The following PCDHA12 variants were observed in gnomAD, a reference collection of about 807,000 sequenced individuals.
PCDHA12 encodes protocadherin alpha-12.
PCDHA12 carries 44 observed loss-of-function variants against 60.0 expected under a neutral mutation model. The observed-to-expected ratio is 0.73, with a 90% CI of 0.58 to 0.94. PCDHA12 has a LOEUF of 0.94. Among genes scored for constraint, PCDHA12 ranks in the 40% least tolerant of loss-of-function variants. PCDHA12 has a pLI of 0.00. For missense variants in PCDHA12, 1,276 were observed against 1,239.7 expected, an observed-to-expected ratio of 1.03 and a Z score of -0.44; for synonymous variants, 569 against 553.0, an observed-to-expected ratio of 1.03 and a Z score of -0.40.
chr5:140,967,974 G>A (rs782644202), intron 1 of PCDHA12: 3 of 1,614,204 alleles, frequency 1.9e-6, no homozygotes, highest in South Asian at 1.1e-5. Flanking sequence ...GTGAGCCTGG[G>A]TCTGGAGGCC....
chr5:140,881,886 C>G (rs2058857922), intron 1 of PCDHA12, among the ~76,000 whole-genome samples: 1 of 152,170 alleles, frequency 6.6e-6, no homozygotes, highest in African/African-American at 2.4e-5. Flanking sequence ...AACTCATCAA[C>G]CAATTGTCAG....
chr5:140,972,201 G>A (rs1554233905), intron 1 of PCDHA12, among the ~76,000 whole-genome samples: 1 of 152,058 alleles, frequency 6.6e-6, no homozygotes, highest in African/African-American at 2.4e-5. Flanking sequence ...GAGTATAGGT[G>A]TGAATATGGC....
chr5:140,885,870 A>T (rs1302417773), intron 1 of PCDHA12, among the ~76,000 whole-genome samples: 1 of 152,162 alleles, frequency 6.6e-6, no homozygotes, highest in African/African-American at 2.4e-5. Context: ...TATTGAAAAA[A>T]AATTTTTAGT....
At chr5:140,878,837 A>G (rs6885420) in intron 1 of PCDHA12, among the ~76,000 whole-genome samples, 4 of 152,334 alleles carry the variant, frequency 2.6e-5, no homozygotes, top group Admixed American at 2.6e-4. Context: ...AGGCTGGACT[A>G]GAACTTCTGG....
intron 1 of PCDHA12, among the ~76,000 whole-genome samples, chr5:140,976,253 T>G (rs1554237440): frequency 6.6e-6 from 1 of 152,124 alleles, no homozygotes; most frequent in Non-Finnish European, 1.5e-5. Context: ...TAAATTTATT[T>G]AAAACACAGA....
At chr5:140,882,301 G>T in intron 1 of PCDHA12, 1 of 1,613,800 alleles carries the variant, frequency 6.2e-7, no homozygotes, top group Non-Finnish European at 8.5e-7. Context: ...GCCCAAGACC[G>T]CGGCAACTAC....
chr5:140,993,828 A>G (rs1170306716), intron 3 of PCDHA12, among the ~76,000 whole-genome samples: 1 of 152,226 alleles, frequency 6.6e-6, no homozygotes, highest in East Asian at 1.9e-4. Context: ...AGGCTATACC[A>G]TATAGCCTAG....
At chr5:140,948,227 A>G (rs1214697523) in intron 1 of PCDHA12, among the ~76,000 whole-genome samples, 17 of 151,634 alleles carry the variant, frequency 1.1e-4, no homozygotes, top group African/African-American at 4.1e-4. Flanking sequence ...GTTAGATTTA[A>G]CTTGTATTTT....
At chr5:140,884,120 G>A in intron 1 of PCDHA12, 1 of 1,613,322 alleles carries the variant, frequency 6.2e-7, no homozygotes, top group Non-Finnish European at 8.5e-7. Flanking sequence ...GGCGGTCGGC[G>A]CGCGCATCCC....
chr5:140,967,185 A>G, intron 1 of PCDHA12: 1 of 1,613,242 alleles, frequency 6.2e-7, no homozygotes, highest in Non-Finnish European at 8.5e-7. Context: ...GAAATATTGG[A>G]CATCAACGAC....
At chr5:140,902,729 C>T (rs1554190627) in intron 1 of PCDHA12, among the ~76,000 whole-genome samples, 1 of 152,068 alleles carries the variant, frequency 6.6e-6, no homozygotes, top group East Asian at 1.9e-4. Flanking sequence ...CCCTTCCCTC[C>T]AAGTCCCCCA....
At chr5:140,913,160 G>T (rs1437493261) in intron 1 of PCDHA12, among the ~76,000 whole-genome samples, 4 of 152,156 alleles carry the variant, frequency 2.6e-5, no homozygotes, top group African/African-American at 9.7e-5. Flanking sequence ...AGTAGGATTG[G>T]TATTAGTTCT....
intron 1 of PCDHA12, among the ~76,000 whole-genome samples, chr5:140,908,393 A>G (rs1295544122): frequency 2.0e-5 from 3 of 152,132 alleles, no homozygotes; most frequent in Non-Finnish European, 4.4e-5. Context: ...CCGATCACAT[A>G]TATACCACTT....
chr5:140,930,769 T>G (rs1373924244), intron 1 of PCDHA12, among the ~76,000 whole-genome samples: 2 of 152,214 alleles, frequency 1.3e-5, no homozygotes, highest in Non-Finnish European at 2.9e-5. Context: ...TTTTCTGTAC[T>G]TAATATTTTC....
At chr5:140,948,543 T>C (rs1226242016) in intron 1 of PCDHA12, among the ~76,000 whole-genome samples, 2 of 151,702 alleles carry the variant, frequency 1.3e-5, no homozygotes, top group Non-Finnish European at 3.0e-5. Flanking sequence ...TTTCATGCTC[T>C]GTCAATTTTG....
intron 1 of PCDHA12, among the ~76,000 whole-genome samples, chr5:140,919,231 CT>C (rs2079047316): frequency 6.6e-6 from 1 of 152,160 alleles, no homozygotes; most frequent in African/African-American, 2.4e-5. Context: ...TCTAGTAACA[CT>C]TTTTGTCTTG....
At chr5:140,883,342 C>T in intron 1 of PCDHA12, 1 of 1,614,154 alleles carries the variant, frequency 6.2e-7, no homozygotes, top group Non-Finnish European at 8.5e-7. Flanking sequence ...TGTCACTCCC[C>T]ATCAGAGAAG....
Position 140,993,289 on chromosome 5 carries a change from C to T in PCDHA12, c.2515+10726C>T, listed in dbSNP as rs148346866. Among the ~76,000 whole-genome samples the T allele has an allele frequency of 3.6e-3, 552 of 152,140 alleles. 3 individuals are homozygous for T. The highest frequency in any genetic ancestry group is 0.01 in the Middle Eastern group (3 of 294). On this transcript the variant is annotated intron_variant, in intron 3 of 3. Coordinates refer to ENST00000398631, the MANE Select transcript of PCDHA12 (RefSeq NM_018903.4). ...TCTTTGGTCTTTTCTTGCCCAGGGTCACAACCTTGCCTCCAGGATAATACC... is the reference window on the plus strand; with the variant it reads ...TCTTTGGTCTTTTCTTGCCCAGGGTTACAACCTTGCCTCCAGGATAATACC...
At chr5:140,922,791 T>A (rs1454046146) in intron 1 of PCDHA12, among the ~76,000 whole-genome samples, 1 of 152,078 alleles carries the variant, frequency 6.6e-6, no homozygotes, top group Non-Finnish European at 1.5e-5. Flanking sequence ...AAACTGTAGC[T>A]TTGGAATACA....
Sources: allele counts gnomAD v4.1 joint callset (sites outside exome capture counted in the v4.1 genomes callset), GRCh38; gene constraint gnomAD v4.1.1; transcripts MANE v1.5; gene names NCBI Gene and HGNC (gene_info 2026-07-23, HGNC 2026-07-21).